The following COL27A1 variants were observed in gnomAD, a reference collection of about 807,000 sequenced individuals.
The protein encoded by COL27A1 is collagen type XXVII alpha 1 chain.
In COL27A1, 106 loss-of-function variants were observed where a neutral mutation model predicts 251.3. The observed-to-expected ratio is 0.42, with a 90% CI of 0.36 to 0.50. The LOEUF is 0.50. COL27A1 is among the 20% of genes least tolerant of loss of function. The pLI, the probability that COL27A1 is intolerant of heterozygous loss-of-function variation, is 0.00. For missense variants in COL27A1, 2,325 were observed against 2,522.8 expected (o/e 0.92, Z 1.68); for synonymous variants, 1,000 against 986.3 (o/e 1.01, Z -0.26).
At chr9:114,292,474 G>C (rs889265983) in intron 49 of COL27A1, among the ~76,000 whole-genome samples, 1 of 152,134 alleles carries the variant, frequency 6.6e-6, no homozygotes, top group Non-Finnish European at 1.5e-5. Flanking sequence ...ACCAGAAGGT[G>C]GGCGCTCCTG....
Position 114,309,554 on chromosome 9 carries a change from TATTATAAG to T in COL27A1, c.5436+83_5436+90del, listed in dbSNP as rs1829305695. Reference sequence around the variant, plus strand: ...ACACTTGTTTGGAAAAATGTGTTTCTATTATAAGATTATATCTAACATTTTAATAGTAT... The same window carrying T: ...ACACTTGTTTGGAAAAATGTGTTTCTATTATATCTAACATTTTAATAGTAT... On this transcript the variant is annotated intron_variant, in intron 60 of 60. Transcript: ENST00000356083. 2.8e-6 allele frequency: 3 copies of T among 1,085,288 alleles called. No homozygotes were observed. The Admixed American group carries it at 6.6e-5, about 24-fold the overall frequency. 67.2% of individuals were successfully genotyped at this position (1,085,288 alleles called of 1,614,324 possible).
chr9:114,194,307 T>C, intron 5 of COL27A1, 97 bp from the exon 6 acceptor site: 1 of 1,206,826 alleles, frequency 8.3e-7, no homozygotes, highest in Non-Finnish European at 1.2e-6. Context: ...TGGGAAGGCA[T>C]TTAAGCAAGG....
chr9:114,155,390 T>C (rs1470070586), upstream of COL27A1, among the ~76,000 whole-genome samples: 3 of 152,060 alleles, frequency 2.0e-5, no homozygotes, highest in Non-Finnish European at 4.4e-5. This position sits in a 1 kb window ranked among gnomAD's most constrained non-coding sequence, Gnocchi z 5.5. Context: ...ATCGGGGCTG[T>C]AGTGGGCCAG....
At chr9:114,298,268 T>C (rs1451509212) in intron 49 of COL27A1, among the ~76,000 whole-genome samples, 1 of 152,214 alleles carries the variant, frequency 6.6e-6, no homozygotes, top group Non-Finnish European at 1.5e-5. Flanking sequence ...AAGATGGCTA[T>C]ACTTACCACA....
intron 41 of COL27A1, among the ~76,000 whole-genome samples, chr9:114,285,488 C>T (rs572845889): frequency 6.6e-6 from 1 of 152,258 alleles, no homozygotes; most frequent in Non-Finnish European, 1.5e-5. Flanking sequence ...CCTGTCTTTC[C>T]TCCTCCTCCC....
intron 16 of COL27A1, 52 bp downstream of exon 16, chr9:114,231,918 C>G (rs375611026): frequency 4.0e-5 from 63 of 1,573,256 alleles, no homozygotes; most frequent in African/African-American, 5.4e-5. Flanking sequence ...TGCCACCCCC[C>G]TCTCCGCCCG....
At chr9:114,220,025 G>A (rs976257841) in intron 13 of COL27A1, among the ~76,000 whole-genome samples, 181 bp downstream of exon 13, 3 of 152,078 alleles carry the variant, frequency 2.0e-5, no homozygotes, top group African/African-American at 7.2e-5. Flanking sequence ...TGTCTACTGC[G>A]GCTGCACCGT....
chr9:114,259,163 C>T (rs76785099), intron 28 of COL27A1, among the ~76,000 whole-genome samples: 3,383 of 152,214 alleles, frequency 0.022, 133 homozygotes, highest in African/African-American at 0.078. Flanking sequence ...CAGGGGAAGA[C>T]CTGAAGGTGA....
At chr9:114,305,281 C>G (rs79251171) in intron 57 of COL27A1, among the ~76,000 whole-genome samples, 1 of 152,126 alleles carries the variant, frequency 6.6e-6, no homozygotes, top group Non-Finnish European at 1.5e-5. Context: ...CAGTCACAGC[C>G]TTGACTTTCA....
Position 114,156,000 on chromosome 9 carries a change from CG to C in COL27A1, c.52del (p.Ala18ArgfsTer12). ...RGARGTAAAA[A>X]ARGGGFLFSW... ...GCCCGAGGCACAGCGGCGGCGGCGG[CG>C]GCGCGCGGGGGGTGAGTACGAACTC... On this transcript the variant is annotated frameshift_variant, in exon 1 of 61. Transcript: ENST00000356083. LOFTEE classifies it high-confidence loss of function. This position sits in a 1 kb window ranked among gnomAD's most constrained non-coding sequence, Gnocchi z 5.5. 4.6e-6 allele frequency: 6 copies of C among 1,295,850 alleles called. No individual in the cohort carries two copies. The highest frequency in any genetic ancestry group is 1.5e-5 in the African/African-American group (1 of 66,010). 80.3% of individuals were successfully genotyped at this position (1,295,850 alleles called of 1,614,324 possible). A position where few individuals can be genotyped will look rare whatever the true frequency, so the allele number is the denominator to read the frequency against.
At chr9:114,269,195 G>A in intron 34 of COL27A1, 46 bp from the exon 35 acceptor site, 2 of 1,457,566 alleles carry the variant, frequency 1.4e-6, no homozygotes, top group South Asian at 1.2e-5. Context: ...CGAGAGCTGG[G>A]GCTGGCCCTA....
rs754644764 is a variant in COL27A1, at chr9:114,307,657, C to T, written c.5108-12C>T. ...AGATACATACATCACCTCCATCCCA[C>T]GCTGCCTGCAGGTACCTACTGGGTG... On this transcript the variant is annotated splice_polypyrimidine_tract_variant and intron_variant, in intron 58 of 60. Coordinates refer to ENST00000356083, the MANE Select transcript of COL27A1 (RefSeq NM_032888.4). The T allele has an allele frequency of 1.8e-5, 28 of 1,590,004 alleles. No homozygotes were observed. The East Asian group carries it at 2.0e-4, about 11-fold the overall frequency.
In COL27A1 at chr9:114,267,533, C is replaced by A. The variant is rs571291463; in HGVS notation, c.3477C>A (p.Gly1159=). Residue 1159 remains glycine, a synonymous_variant, in exon 34 of 61, where the codon GGC becomes GGA. Transcript: ENST00000356083. ...KGPPGAVGEP[G]LPGEAGMKGD... ...CGCCTGGTGCAGTGGGAGAACCGGG[C>A]CTTCCTGGGGAAGCCGGGATGAAGG... The A allele has an allele frequency of 1.9e-6, 3 of 1,595,784 alleles. No individual in the cohort carries two copies. Among genetic ancestry groups the A allele is most frequent in the Admixed American group, 1.8e-5 (1 of 55,012 alleles).
intron 13 of COL27A1, among the ~76,000 whole-genome samples, chr9:114,221,582 C>A (rs1437716768): frequency 1.3e-5 from 2 of 152,176 alleles, no homozygotes; most frequent in Admixed American, 6.5e-5. Context: ...TGTCATTTCT[C>A]ATGTGGGCCA....
chr9:114,262,680 G>C (rs942645260), intron 28 of COL27A1, among the ~76,000 whole-genome samples: 13 of 152,366 alleles, frequency 8.5e-5, no homozygotes, highest in Admixed American at 5.2e-4. Context: ...CTTGTCCCCA[G>C]ACACATTTCC....
chr9:114,206,228 G>A, intron 9 of COL27A1, 24 bp from the exon 10 acceptor site: 1 of 1,613,696 alleles, frequency 6.2e-7, no homozygotes, highest in Non-Finnish European at 8.5e-7. Context: ...ATATGTCCTT[G>A]CCCCTCTGTG....
At chr9:114,262,977 C>T (rs550776744) in intron 28 of COL27A1, among the ~76,000 whole-genome samples, 1 of 137,916 alleles carries the variant, frequency 7.3e-6, no homozygotes, top group South Asian at 2.3e-4. Context: ...CTCGCTCTGT[C>T]GCCCAGGGTG....
intron 23 of COL27A1, among the ~76,000 whole-genome samples, chr9:114,245,149 T>TTTTG (rs1491357658): frequency 0.033 from 816 of 24,782 alleles, 25 homozygotes; most frequent in African/African-American, 0.13. Flanking sequence ...TGCATTCTTG[T>TTTTG]TTTTTTTTTT....
intron 36 of COL27A1, among the ~76,000 whole-genome samples, chr9:114,274,524 A>G (rs929817147): frequency 7.9e-5 from 12 of 152,228 alleles, no homozygotes; most frequent in African/African-American, 2.9e-4. Context: ...ATGTTAAAGG[A>G]CTCAGACTAT....
Sources: allele counts gnomAD v4.1 joint callset (sites outside exome capture counted in the v4.1 genomes callset), GRCh38; gene constraint gnomAD v4.1.1; non-coding constraint Gnocchi (gnomAD v3.1); transcripts MANE v1.5; gene names NCBI Gene and HGNC (gene_info 2026-07-23, HGNC 2026-07-21).